The following CDH12 variants were observed in gnomAD, a reference collection of about 807,000 sequenced individuals.
CDH12 encodes cadherin-12.
CDH12 carries 41 observed loss-of-function variants against 74.1 expected under a neutral mutation model. That is an observed-to-expected ratio of 0.55 (90% CI 0.43 to 0.72). The LOEUF (loss-of-function observed/expected upper bound fraction) is 0.72, where lower values mean the gene tolerates loss of function less well. CDH12 is among the 30% of genes least tolerant of loss of function. CDH12 has a pLI of 0.00. For synonymous variants in CDH12, 399 were observed against 355.0 expected (o/e 1.12, Z -1.39); for missense variants, 945 against 977.2 (o/e 0.97, Z 0.44).
chr5:22,507,666 T>C (rs976212678), intron 1 of CDH12, among the ~76,000 whole-genome samples: 5 of 152,234 alleles, frequency 3.3e-5, no homozygotes, highest in African/African-American at 1.2e-4. Context: ...TCCCTTCATC[T>C]ATATTAGATA....
rs144622021 is a variant in CDH12 at position 22,033,401 on chromosome 5, A to C, written c.231+45045T>G. ...CTCAACTTTGCCAGGATTAACAAGG[A>C]CTTAAAATCGTTATCCAAAATGTTG... On this transcript the variant is annotated intron_variant, in intron 5 of 14. Coordinates refer to ENST00000382254, the MANE Select transcript of CDH12 (RefSeq NM_004061.5). Among the ~76,000 whole-genome samples, 436 of 152,336 alleles carry C rather than the reference A, an allele frequency of 2.9e-3. 2 individuals are homozygous for C. Among genetic ancestry groups the C allele is most frequent in the Non-Finnish European group, 5.0e-3 (343 of 68,026 alleles).
chr5:22,308,955 A>AG, intron 3 of CDH12, among the ~76,000 whole-genome samples: 1 of 83,790 alleles, frequency 1.2e-5, no homozygotes. Context: ...GAGGAGAGAG[A>AG]GGAGAGAGAG....
intron 6 of CDH12, among the ~76,000 whole-genome samples, chr5:21,925,919 G>A (rs548306452): frequency 6.9e-6 from 1 of 144,572 alleles, no homozygotes; most frequent in East Asian, 2.1e-4. Flanking sequence ...TATGAATTAT[G>A]ACTCCAATAA....
intron 4 of CDH12, among the ~76,000 whole-genome samples, chr5:22,083,831 C>T (rs573512675): frequency 4.2e-4 from 64 of 152,200 alleles, no homozygotes; most frequent in African/African-American, 1.4e-3. Flanking sequence ...GGTTTCCAAT[C>T]CTAGTAAAAC....
chr5:22,643,165 G>T (rs923945808), intron 1 of CDH12, among the ~76,000 whole-genome samples: 1 of 152,130 alleles, frequency 6.6e-6, no homozygotes, highest in African/African-American at 2.4e-5. Context: ...TAACATTAAG[G>T]CTTCGTGAAA....
chr5:22,114,302 A>T (rs1744970039), intron 4 of CDH12, among the ~76,000 whole-genome samples: 1 of 152,194 alleles, frequency 6.6e-6, no homozygotes, highest in Admixed American at 6.5e-5. Context: ...TGCTATTCCT[A>T]CATGATATAA....
At chr5:22,222,953 T>A (rs932956541) in intron 3 of CDH12, among the ~76,000 whole-genome samples, 5 of 152,066 alleles carry the variant, frequency 3.3e-5, no homozygotes, top group African/African-American at 9.7e-5. Context: ...AACTTTTGTT[T>A]CATTTCCAAT....
chr5:22,690,965 C>T (rs1742051572), intron 1 of CDH12, among the ~76,000 whole-genome samples: 1 of 152,094 alleles, frequency 6.6e-6, no homozygotes, highest in African/African-American at 2.4e-5. Flanking sequence ...AAACCCAATA[C>T]CACAGATGGA....
chr5:22,783,258 T>C (rs1747471018), intron 1 of CDH12, among the ~76,000 whole-genome samples: 1 of 152,002 alleles, frequency 6.6e-6, no homozygotes, highest in African/African-American at 2.4e-5. Context: ...TAAAATACCA[T>C]GGAAAAGATC....
At chr5:21,770,688 GA>G (rs1237749871) in intron 11 of CDH12, among the ~76,000 whole-genome samples, 1 of 151,672 alleles carries the variant, frequency 6.6e-6, no homozygotes, top group Non-Finnish European at 1.5e-5. Flanking sequence ...ATTACTCTTC[GA>G]CCCAGCAATC....
chr5:22,034,026 G>A (rs1739008501), intron 5 of CDH12, among the ~76,000 whole-genome samples: 1 of 152,076 alleles, frequency 6.6e-6, no homozygotes, highest in African/African-American at 2.4e-5. Context: ...GAAAGTTGCT[G>A]GGGGAGGGTT....
chr5:22,080,983 G>A (rs561902516), intron 4 of CDH12, among the ~76,000 whole-genome samples: 6 of 152,078 alleles, frequency 3.9e-5, no homozygotes, highest in South Asian at 2.1e-4. Context: ...GTTTCACCAT[G>A]TTGGCCAGGA....
At chr5:22,232,906 T>G (rs1234044852) in intron 3 of CDH12, among the ~76,000 whole-genome samples, 1 of 148,924 alleles carries the variant, frequency 6.7e-6, no homozygotes, top group Non-Finnish European at 1.5e-5. Context: ...CTATATATAT[T>G]TTTTCTCTCT....
intron 3 of CDH12, among the ~76,000 whole-genome samples, chr5:22,310,171 C>A (rs1738320763): frequency 6.6e-6 from 1 of 151,682 alleles, no homozygotes; most frequent in African/African-American, 2.4e-5. Context: ...ATAACAACAA[C>A]AACAACAGGC....
intron 4 of CDH12, among the ~76,000 whole-genome samples, chr5:22,100,614 T>C (rs1353541492): frequency 6.6e-6 from 1 of 151,292 alleles, no homozygotes; most frequent in East Asian, 1.9e-4. Flanking sequence ...CTTACCAGTG[T>C]CACTATGGCT....
intron 3 of CDH12, among the ~76,000 whole-genome samples, chr5:22,283,967 A>G (rs954683265): frequency 1.3e-5 from 2 of 152,176 alleles, no homozygotes; most frequent in African/African-American, 2.4e-5. Context: ...GTTTACAGAC[A>G]TTTCAATATC....
chr5:22,600,836 G>C (rs1736824344), intron 1 of CDH12, among the ~76,000 whole-genome samples: 1 of 151,988 alleles, frequency 6.6e-6, no homozygotes. Context: ...AAAAATGTGT[G>C]ACTTACAGTA....
intron 6 of CDH12, among the ~76,000 whole-genome samples, chr5:21,880,616 C>CTTTCTCTTTCTTTCT (rs1752256319): frequency 3.9e-5 from 2 of 50,810 alleles, no homozygotes; most frequent in African/African-American, 8.8e-5. Flanking sequence ...TCCTTCCTTC[C>CTTTCTCTTTCTTTCT]TTCTTTCTTT....
At chr5:22,636,972 T>C (rs1233845608) in intron 1 of CDH12, among the ~76,000 whole-genome samples, 1 of 152,180 alleles carries the variant, frequency 6.6e-6, no homozygotes, top group African/African-American at 2.4e-5. Context: ...CTGTTGATGT[T>C]AGGATGGTAA....
Sources: gnomAD v4.1 joint callset for allele counts (sites outside exome capture counted in the v4.1 genomes callset) on GRCh38, gnomAD v4.1.1 for gene constraint, MANE v1.5 for transcripts, NCBI Gene and HGNC (gene_info 2026-07-23, HGNC 2026-07-21) for gene names.